GRIP1: variants seen among roughly 807,000 people sequenced by gnomAD.
The protein encoded by GRIP1 is glutamate receptor interacting protein 1.
Under a neutral mutation model 129.9 loss-of-function variants are expected in GRIP1, and 45 were observed. The ratio of observed to expected loss-of-function variants is 0.35; its 90% CI spans 0.27 to 0.44. The LOEUF is 0.44. Among genes scored for constraint, GRIP1 ranks in the 20% least tolerant of loss-of-function variants. The pLI is 1.00. For synonymous variants in GRIP1, 530 were observed against 520.8 expected (o/e 1.02, Z -0.24); for missense variants, 1,196 against 1,396.8 (o/e 0.86, Z 2.29).
chr12:67,018,033 A>G (rs115934254), intron 1 of GRIP1, among the ~76,000 whole-genome samples: 190 of 152,292 alleles, frequency 1.2e-3, no homozygotes, highest in African/African-American at 3.9e-3. Flanking sequence ...AGTGAGTTAA[A>G]CATGAGGATT....
chr12:66,553,237 A>AC (rs982665146), intron 2 of GRIP1, among the ~76,000 whole-genome samples: 5 of 152,088 alleles, frequency 3.3e-5, no homozygotes, highest in African/African-American at 1.2e-4. Flanking sequence ...TACCTCAATC[A>AC]CCTTATGTAA....
rs1251560635 is a variant in GRIP1, at chr12:66,353,292, C to T, written c.3159+125G>A. ...TTCAGCTGTTTGCTTCTACTGATTC[C>T]ATAATCTTGATGACAAAGGCTGAAA... On this transcript the variant is annotated intron_variant, in intron 24 of 24. Transcript: ENST00000359742. 14 of 781,086 alleles carry T rather than the reference C, an allele frequency of 1.8e-5. No homozygotes were observed. The East Asian group carries it at 3.4e-4, about 19-fold the overall frequency. 48.4% of individuals were successfully genotyped at this position (781,086 alleles called of 1,614,324 possible).
chr12:66,477,498 T>A (rs999040635), intron 7 of GRIP1, among the ~76,000 whole-genome samples: 3 of 152,084 alleles, frequency 2.0e-5, no homozygotes, highest in South Asian at 4.1e-4. Context: ...AAGCTACCAA[T>A]GACTTTCTTC....
upstream of GRIP1, among the ~76,000 whole-genome samples, chr12:66,681,233 C>T (rs558020646): frequency 6.6e-6 from 1 of 152,058 alleles, no homozygotes; most frequent in Non-Finnish European, 1.5e-5. Flanking sequence ...AGAAAATGAA[C>T]GAATTCACCA....
chr12:66,401,021 C>G (rs1292674306), intron 16 of GRIP1, among the ~76,000 whole-genome samples: 1 of 152,160 alleles, frequency 6.6e-6, no homozygotes, highest in Non-Finnish European at 1.5e-5. Flanking sequence ...TGGACCCACA[C>G]AAGAACCACT....
chr12:66,545,788 A>G (rs1436051623), intron 2 of GRIP1, among the ~76,000 whole-genome samples: 2 of 152,210 alleles, frequency 1.3e-5, no homozygotes, highest in Admixed American at 1.3e-4. Context: ...AATCAGTTGT[A>G]TATCTATATA....
At chr12:66,774,835 A>C (rs1439181687) in intron 1 of GRIP1, among the ~76,000 whole-genome samples, 1 of 152,188 alleles carries the variant, frequency 6.6e-6, no homozygotes, top group East Asian at 1.9e-4. Flanking sequence ...ACCATAAACA[A>C]GTTTTCATCA....
rs542657901 is a variant in GRIP1, at chr12:66,864,183, AT to A, written c.58+204866del. 2.4e-4 allele frequency among the ~76,000 whole-genome samples: 36 copies of A among 152,016 alleles called. No homozygotes were observed. The East Asian group carries it at 6.4e-3, about 27-fold the overall frequency. On this transcript the variant is annotated intron_variant, in intron 1 of 1. Coordinates refer to the GRIP1 transcript ENST00000643019. ...CCCCTGCCAAAAGTGATGATACTCA[AT>A]TTTTTTTCTCTTTTTCTTCTTTAAA...
At chr12:66,895,273 G>A (rs1041308630) in intron 1 of GRIP1, among the ~76,000 whole-genome samples, 2 of 152,152 alleles carry the variant, frequency 1.3e-5, no homozygotes, top group African/African-American at 4.8e-5. Flanking sequence ...TTTTTCCCAT[G>A]CTGTTCTCAT....
intron 22 of GRIP1, among the ~76,000 whole-genome samples, chr12:66,374,580 C>T (rs776141608): frequency 1.6e-4 from 25 of 152,188 alleles, no homozygotes; most frequent in Non-Finnish European, 2.8e-4. Context: ...CCTACTTAGA[C>T]TAGTTGTTTG....
At chr12:66,399,673 T>C (rs945789381) in intron 16 of GRIP1, among the ~76,000 whole-genome samples, 3 of 151,980 alleles carry the variant, frequency 2.0e-5, no homozygotes, top group African/African-American at 7.3e-5. Flanking sequence ...TGCAATGTTA[T>C]TTTCAGGCTT....
At chr12:66,523,118 C>A (rs1462918906) in intron 5 of GRIP1, among the ~76,000 whole-genome samples, 1 of 151,376 alleles carries the variant, frequency 6.6e-6, no homozygotes, top group Non-Finnish European at 1.5e-5. Context: ...GGATATTATC[C>A]AGGAGAACTT....
intron 1 of GRIP1, among the ~76,000 whole-genome samples, chr12:66,958,045 T>G (rs1190922473): frequency 6.6e-6 from 1 of 152,196 alleles, no homozygotes; most frequent in Non-Finnish European, 1.5e-5. Context: ...TAATATAAAA[T>G]TGTTTCATTG....
At chr12:66,618,590 C>T (rs545717811) in intron 1 of GRIP1, among the ~76,000 whole-genome samples, 2 of 152,212 alleles carry the variant, frequency 1.3e-5, no homozygotes, top group East Asian at 1.9e-4. Flanking sequence ...TTTCCAAAAA[C>T]ATATTGCATA....
chr12:66,551,537 G>C (rs1404966952), intron 2 of GRIP1, among the ~76,000 whole-genome samples: 1 of 147,608 alleles, frequency 6.8e-6, no homozygotes, highest in Non-Finnish European at 1.5e-5. Flanking sequence ...ATTTATTTTT[G>C]CATGTATTTT....
chr12:67,042,301 TGATTTTGTGGGCATA>T (rs2043192880), intron 1 of GRIP1, among the ~76,000 whole-genome samples: 1 of 152,204 alleles, frequency 6.6e-6, no homozygotes, highest in Admixed American at 6.5e-5. Context: ...AATTGCCTAC[TGATTTTGTGGGCATA>T]TGCTTATAAG....
intron 1 of GRIP1, among the ~76,000 whole-genome samples, chr12:66,659,123 C>A (rs2136184538): frequency 6.6e-6 from 1 of 152,286 alleles, no homozygotes; most frequent in Middle Eastern, 3.4e-3. Flanking sequence ...ATACTCTACC[C>A]TAGATAGTCA....
At chr12:66,979,230 A>AAAC (rs534300701) in intron 1 of GRIP1, among the ~76,000 whole-genome samples, 1 of 64,988 alleles carries the variant, frequency 1.5e-5, no homozygotes, top group Non-Finnish European at 3.2e-5. Flanking sequence ...CTTAAAAAAA[A>AAAC]AAAAAAAAAA....
intron 1 of GRIP1, among the ~76,000 whole-genome samples, chr12:66,642,965 C>A (rs542541551): frequency 9.2e-5 from 14 of 152,102 alleles, no homozygotes; most frequent in Admixed American, 6.5e-4. Context: ...TATGTAATAA[C>A]AAAATATATT....
Sources: allele counts gnomAD v4.1 joint callset (sites outside exome capture counted in the v4.1 genomes callset), GRCh38; gene constraint gnomAD v4.1.1; transcripts MANE v1.5; gene names NCBI Gene and HGNC (gene_info 2026-07-23, HGNC 2026-07-21).